Variants in SPRED1 observed in about 807,000 individuals in gnomAD.
The protein encoded by SPRED1 is sprouty related EVH1 domain containing 1.
A neutral mutation model predicts 52.3 loss-of-function variants in SPRED1; 18 were observed. The observed-to-expected ratio is 0.34, with a 90% CI of 0.24 to 0.51. The LOEUF (loss-of-function observed/expected upper bound fraction) is 0.51. Ranked by LOEUF, SPRED1 falls within the 20% of genes least tolerant of loss-of-function variation. The probability of loss-of-function intolerance (pLI) is 0.97; values close to 1 mark genes in which losing one functional copy is unlikely to be tolerated. For synonymous variants in SPRED1, 155 were observed against 179.7 expected, an observed-to-expected ratio of 0.86 and a Z score of 1.10; for missense variants, 485 against 551.0, an observed-to-expected ratio of 0.88 and a Z score of 1.20.
intron 1 of SPRED1, among the ~76,000 whole-genome samples, chr15:38,263,915 C>T (rs556582322): frequency 2.6e-5 from 4 of 152,186 alleles, no homozygotes; most frequent in East Asian, 1.9e-4. Context: ...GCCCATGGGC[C>T]GCGGGTTGGA....
intron 1 of SPRED1, among the ~76,000 whole-genome samples, chr15:38,267,465 T>C (rs1359757647): frequency 2.0e-5 from 3 of 152,226 alleles, no homozygotes; most frequent in African/African-American, 7.2e-5. Flanking sequence ...ATTCTTAATA[T>C]GAACTGCCAC....
chr15:38,337,804 T>G lies in SPRED1; in HGVS notation c.424-1933T>G, dbSNP rs369998851. Among the ~76,000 whole-genome samples, 3 of 151,828 alleles carry G rather than the reference T, an allele frequency of 2.0e-5. No individual in the cohort carries two copies. The South Asian group carries it at 6.2e-4, about 31-fold the overall frequency. On this transcript the variant is annotated intron_variant, in intron 4 of 6. Transcript: ENST00000299084. ...AAAGATAATTCAAAAAAGTCACAAT[T>G]AAAAGCAATATCTTATAATTACCAC...
rs1237535996 is a variant in SPRED1 at position 38,343,068 on chromosome 15, A to G, written c.582+3173A>G. On this transcript the variant is annotated intron_variant, in intron 5 of 6. Transcript: ENST00000299084. ...AGGAGAACCCAGAAAAGGATGTCTC[A>G]GAAGCCCAGGGAGGACAGTGATGGA... Among the ~76,000 whole-genome samples the G allele has an allele frequency of 2.0e-5, 3 of 152,148 alleles. No homozygotes were observed. The East Asian group carries it at 5.8e-4, about 29-fold the overall frequency.
intron 2 of SPRED1, among the ~76,000 whole-genome samples, chr15:38,308,191 A>T (rs189153065): frequency 4.1e-4 from 63 of 152,314 alleles, no homozygotes; most frequent in Admixed American, 2.4e-3. Context: ...GACTTTTTAA[A>T]TTGAAATTTT....
intron 2 of SPRED1, among the ~76,000 whole-genome samples, chr15:38,321,032 G>A (rs532898397): frequency 6.6e-6 from 1 of 152,104 alleles, no homozygotes; most frequent in Non-Finnish European, 1.5e-5. Flanking sequence ...ATAGATTAAA[G>A]TTCTGTGTTG....
At chr15:38,260,283 C>G (rs1894180218) in intron 1 of SPRED1, among the ~76,000 whole-genome samples, 1 of 152,228 alleles carries the variant, frequency 6.6e-6, no homozygotes, top group Admixed American at 6.5e-5. Context: ...GAACCTTTCA[C>G]ATTCCTGAGC....
chr15:38,349,701 T>A (rs1888440424), intron 6 of SPRED1, among the ~76,000 whole-genome samples, 178 bp downstream of exon 6: 1 of 152,240 alleles, frequency 6.6e-6, no homozygotes, highest in Admixed American at 6.5e-5. Context: ...ACTTCTCATT[T>A]GAGTCTAAAA....
intron 1 of SPRED1, among the ~76,000 whole-genome samples, chr15:38,257,348 C>T (rs1894118548): frequency 6.6e-6 from 1 of 152,080 alleles, no homozygotes. Flanking sequence ...AGCCTCATTA[C>T]CTCATTTTTT....
In SPRED1 at chr15:38,351,727, G is replaced by A. The variant is rs1343759278; in HGVS notation, c.*63G>A. On this transcript the variant is annotated 3_prime_UTR_variant, in exon 7 of 7. Coordinates refer to ENST00000299084, the MANE Select transcript of SPRED1 (RefSeq NM_152594.3). Reference sequence around the variant, plus strand: ...TCCAGGAATTAGCTAACTTGGATTTGTGGAAGCTTTTGGCAAGCAATATGG... The same window carrying A: ...TCCAGGAATTAGCTAACTTGGATTTATGGAAGCTTTTGGCAAGCAATATGG... 5 of 1,585,956 alleles carry A rather than the reference G, an allele frequency of 3.2e-6. No homozygotes were observed. The highest frequency in any genetic ancestry group is 4.5e-5 in the East Asian group (2 of 44,448).
chr15:38,315,752 T>G (rs1462389790), intron 2 of SPRED1, among the ~76,000 whole-genome samples: 1 of 151,966 alleles, frequency 6.6e-6, no homozygotes, highest in East Asian at 1.9e-4. Context: ...CACCTCTGTC[T>G]CCATACTCAA....
At chr15:38,343,399 G>T (rs1896066541) in intron 5 of SPRED1, among the ~76,000 whole-genome samples, 1 of 152,124 alleles carries the variant, frequency 6.6e-6, no homozygotes, top group Non-Finnish European at 1.5e-5. Context: ...AATTGATAGA[G>T]AAAGGCACAA....
intron 1 of SPRED1, among the ~76,000 whole-genome samples, chr15:38,290,331 G>C (rs1177147752): frequency 6.6e-6 from 1 of 152,176 alleles, no homozygotes. Context: ...ATTCGAAGTA[G>C]TTATAGTTTG....
At chr15:38,255,345 T>C (rs530132092) in intron 1 of SPRED1, among the ~76,000 whole-genome samples, 4 of 152,312 alleles carry the variant, frequency 2.6e-5, no homozygotes, top group South Asian at 4.1e-4. Context: ...ACCCAGACTT[T>C]TAAAATCGTT....
In SPRED1 at chr15:38,351,853, T is replaced by C. The variant is rs1052988828; in HGVS notation, c.*189T>C. ...TAACTTTTCCCTTGAGTGCATGGCA[T>C]GTTTTGTTACAGGTTGTAGAGTATT... On this transcript the variant is annotated 3_prime_UTR_variant, in exon 7 of 7. Transcript: ENST00000299084. 2.9e-6 allele frequency: 2 copies of C among 678,386 alleles called. No individual in the cohort carries two copies. Among genetic ancestry groups the C allele is most frequent in the Non-Finnish European group, 5.0e-6 (2 of 401,996 alleles). The allele number at this position is 678,386 out of a possible 1,614,324, so 42.0% of individuals were successfully genotyped here.
intron 1 of SPRED1, among the ~76,000 whole-genome samples, chr15:38,268,494 TTA>T (rs1894359796): frequency 6.6e-6 from 1 of 152,198 alleles, no homozygotes; most frequent in African/African-American, 2.4e-5. Context: ...TTGTGAAAAG[TTA>T]TGTGTGTGCG....
rs570787706 is a variant in SPRED1 at position 38,290,657 on chromosome 15, C to T, written c.33-8716C>T. Reference sequence around the variant, plus strand: ...TCATGGCGGGAGGCGAAAGGCATTTCTTACATGGTGGCAGCAAAAGAAAAA... The same window carrying T: ...TCATGGCGGGAGGCGAAAGGCATTTTTTACATGGTGGCAGCAAAAGAAAAA... On this transcript the variant is annotated intron_variant, in intron 1 of 6. Coordinates refer to ENST00000299084, the MANE Select transcript of SPRED1 (RefSeq NM_152594.3). Among the ~76,000 whole-genome samples, 8 of 152,230 alleles carry T rather than the reference C, an allele frequency of 5.3e-5. No homozygotes were observed. In the East Asian group the frequency reaches 1.5e-3, roughly 29 times the overall value.
chr15:38,297,787 G>T (rs1267266185), intron 1 of SPRED1, among the ~76,000 whole-genome samples: 1 of 152,128 alleles, frequency 6.6e-6, no homozygotes, highest in Non-Finnish European at 1.5e-5. Context: ...TGCTTGTTAT[G>T]TGTCAGGCAT....
Position 38,253,209 on chromosome 15 carries a change from T to A in SPRED1, c.24T>A (p.Ser8=). Residue 8 remains serine, a synonymous_variant, in exon 1 of 7, where the codon TCT becomes TCA. Coordinates refer to ENST00000299084, the MANE Select transcript of SPRED1 (RefSeq NM_152594.3). The part of the protein sequence containing the change: MSEETAT[S]DNDNSYARVR... Reference sequence around the variant, plus strand: ...AGATGAGCGAGGAGACGGCGACTTCTGACAACGAGTAAGCGCCTCATTGAT... The same window carrying A: ...AGATGAGCGAGGAGACGGCGACTTCAGACAACGAGTAAGCGCCTCATTGAT... 1 of 1,579,172 alleles carries A rather than the reference T, an allele frequency of 6.3e-7. No individual in the cohort carries two copies. Among genetic ancestry groups the A allele is most frequent in the Non-Finnish European group, 8.6e-7 (1 of 1,161,290 alleles).
chr15:38,333,602 GA>G (rs746661309), intron 4 of SPRED1, among the ~76,000 whole-genome samples: 1 of 152,072 alleles, frequency 6.6e-6, no homozygotes, highest in Non-Finnish European at 1.5e-5. Context: ...ATACATATAA[GA>G]GTGAACAGTG....
Sources: gnomAD v4.1 joint callset for allele counts (sites outside exome capture counted in the v4.1 genomes callset) on GRCh38, gnomAD v4.1.1 for gene constraint, MANE v1.5 for transcripts, NCBI Gene and HGNC (gene_info 2026-07-23, HGNC 2026-07-21) for gene names.